FBXW10B: variants seen among roughly 807,000 people sequenced by gnomAD.
FBXW10B encodes F-box and WD repeat domain containing 10B.
the FBXW10B span, chr17:15,605,081 A>T: frequency 6.8e-7 from 1 of 1,478,290 alleles, no homozygotes; most frequent in Non-Finnish European, 9.0e-7. Context: ...TGCCAAAAAA[A>T]AAATAAGCTG....
chr17:15,594,899 A>T, the FBXW10B span: 2 of 1,221,984 alleles, frequency 1.6e-6, no homozygotes, highest in South Asian at 2.9e-5. Flanking sequence ...GTCTGCAAGA[A>T]AAGATACCAC....
the FBXW10B span, among the ~76,000 whole-genome samples, chr17:15,589,451 C>T: frequency 7.6e-4 from 115 of 151,790 alleles, no homozygotes; most frequent in African/African-American, 2.7e-3. Flanking sequence ...GAGCTGGCCT[C>T]CAGTCTCCCA....
chr17:15,601,266 A>G, the FBXW10B span, among the ~76,000 whole-genome samples: 7 of 149,362 alleles, frequency 4.7e-5, no homozygotes, highest in East Asian at 2.0e-4. Context: ...AAAATTAGCC[A>G]GGCGTGGTGG....
At chr17:15,610,514 T>C in the FBXW10B span, among the ~76,000 whole-genome samples, 3 of 152,168 alleles carry the variant, frequency 2.0e-5, no homozygotes, top group Admixed American at 6.5e-5. Flanking sequence ...CTGTTTTACT[T>C]GGGCCCACTG....
chr17:15,576,134 A>G, the FBXW10B span, among the ~76,000 whole-genome samples: 5 of 152,298 alleles, frequency 3.3e-5, no homozygotes, highest in East Asian at 9.6e-4. Context: ...ACTATCTTTT[A>G]TCAAACCTGA....
chr17:15,602,066 C>G, the FBXW10B span, among the ~76,000 whole-genome samples: 1 of 150,236 alleles, frequency 6.7e-6, no homozygotes, highest in East Asian at 2.0e-4. Context: ...GAGCTGAGAT[C>G]GCACCACTGC....
the FBXW10B span, chr17:15,566,188 C>G: frequency 6.2e-7 from 1 of 1,612,174 alleles, no homozygotes; most frequent in Non-Finnish European, 8.5e-7. Flanking sequence ...TTGGGGCCTA[C>G]AGGGATAGGC....
chr17:15,582,904 G>A, the FBXW10B span, among the ~76,000 whole-genome samples: 7 of 150,848 alleles, frequency 4.6e-5, no homozygotes, highest in African/African-American at 7.4e-5. Context: ...GCTAGCTGAA[G>A]GCTGTTTCTC....
the FBXW10B span, among the ~76,000 whole-genome samples, chr17:15,592,364 G>T: frequency 1.3e-5 from 2 of 148,418 alleles, no homozygotes. Flanking sequence ...CTTATTACCA[G>T]GCTGCCCTCT....
At chr17:15,602,123 A>G in the FBXW10B span, among the ~76,000 whole-genome samples, 15 of 151,952 alleles carry the variant, frequency 9.9e-5, no homozygotes, top group Non-Finnish European at 5.9e-5. Context: ...AAAAAAAAAA[A>G]AAAAGAAAAG....
chr17:15,610,516 G>A, the FBXW10B span, among the ~76,000 whole-genome samples: 4 of 152,076 alleles, frequency 2.6e-5, no homozygotes, highest in Admixed American at 2.0e-4. Context: ...GTTTTACTTG[G>A]GCCCACTGTA....
chr17:15,603,166 G>A, the FBXW10B span, among the ~76,000 whole-genome samples: 3 of 151,544 alleles, frequency 2.0e-5, no homozygotes, highest in Admixed American at 1.3e-4. Flanking sequence ...TTACAGGCGT[G>A]AGCCACCGCG....
the FBXW10B span, among the ~76,000 whole-genome samples, chr17:15,585,975 G>A: frequency 4.1e-5 from 6 of 147,964 alleles, no homozygotes; most frequent in African/African-American, 1.5e-4. Context: ...AATGCCTCAG[G>A]ATCTTGATCC....
chr17:15,617,797 C>T, the FBXW10B span, among the ~76,000 whole-genome samples: 1 of 152,214 alleles, frequency 6.6e-6, no homozygotes, highest in African/African-American at 2.4e-5. Flanking sequence ...GCTTCTGGTA[C>T]AGTCTTCAGA....
the FBXW10B span, among the ~76,000 whole-genome samples, chr17:15,617,911 T>C: frequency 6.6e-6 from 1 of 152,220 alleles, no homozygotes; most frequent in Non-Finnish European, 1.5e-5. Context: ...CCCTTATTGT[T>C]TCTTCTGCTT....
chr17:15,572,737 C>T, the FBXW10B span: 2 of 151,266 alleles, frequency 1.3e-5, no homozygotes, highest in Non-Finnish European at 2.9e-5. Context: ...GGGGAACGTA[C>T]GGTGGCCAGA....
chr17:15,588,657 C>T, the FBXW10B span: 1 of 586,064 alleles, frequency 1.7e-6, no homozygotes, highest in Non-Finnish European at 3.0e-6. Flanking sequence ...GAAGAGCAGC[C>T]AGAGCTCCCA....
the FBXW10B span, chr17:15,589,017 C>G: frequency 6.2e-7 from 1 of 1,611,224 alleles, no homozygotes; most frequent in Non-Finnish European, 8.5e-7. Flanking sequence ...ACACATGGGT[C>G]GGAGCTGTGG....
chr17:15,596,107 C>T, the FBXW10B span, among the ~76,000 whole-genome samples: 2 of 151,970 alleles, frequency 1.3e-5, no homozygotes, highest in East Asian at 3.9e-4. Context: ...AGGCTGGTCT[C>T]GAACTCCTGA....
Sources: allele counts gnomAD v4.1 joint callset (sites outside exome capture counted in the v4.1 genomes callset), GRCh38; gene constraint gnomAD v4.1.1; transcripts MANE v1.5; gene names NCBI Gene and HGNC (gene_info 2026-07-23, HGNC 2026-07-21).